The following ZNF407 variants were observed in gnomAD, a reference collection of about 807,000 sequenced individuals.
The protein encoded by ZNF407 is zinc finger protein 407.
Under a neutral mutation model 131.2 loss-of-function variants are expected in ZNF407, and 17 were observed. The observed-to-expected ratio is 0.13, with a 90% CI of 0.09 to 0.19. The LOEUF (loss-of-function observed/expected upper bound fraction) is 0.19. ZNF407 is among the 10% of genes least tolerant of loss of function. ZNF407 has a pLI of 1.00. For missense variants in ZNF407, 2,681 were observed against 2,830.6 expected (o/e 0.95, Z 1.20); for synonymous variants, 1,156 against 1,062.0 (o/e 1.09, Z -1.72).
intron 3 of ZNF407, among the ~76,000 whole-genome samples, chr18:74,721,781 A>G (rs1023534385): frequency 1.3e-5 from 2 of 151,778 alleles, no homozygotes; most frequent in African/African-American, 4.8e-5. Flanking sequence ...TGTGTTTTGC[A>G]TTTGTTCTTC....
At chr18:74,774,486 A>C (rs753072443) in intron 3 of ZNF407, among the ~76,000 whole-genome samples, 6 of 152,250 alleles carry the variant, frequency 3.9e-5, no homozygotes, top group African/African-American at 1.4e-4. Context: ...CAAGTTTAGC[A>C]TAATGGAATG....
intron 8 of ZNF407, among the ~76,000 whole-genome samples, chr18:75,003,276 A>T (rs1445803469): frequency 6.6e-6 from 1 of 152,232 alleles, no homozygotes; most frequent in Non-Finnish European, 1.5e-5. Flanking sequence ...CACATGCACC[A>T]CTGTGACTCA....
chr18:74,644,969 C>T (rs1984901105), intron 3 of ZNF407, among the ~76,000 whole-genome samples: 1 of 151,944 alleles, frequency 6.6e-6, no homozygotes, highest in African/African-American at 2.4e-5. Context: ...CCCACATTTA[C>T]ATTTTTTTAA....
chr18:75,025,048 G>A (rs576620302), intron 8 of ZNF407, among the ~76,000 whole-genome samples: 1 of 152,166 alleles, frequency 6.6e-6, no homozygotes, highest in Non-Finnish European at 1.5e-5. Context: ...TATCAAGTTT[G>A]CACATGTGAC....
At chr18:74,697,683 A>G (rs1489342783) in intron 3 of ZNF407, among the ~76,000 whole-genome samples, 1 of 152,176 alleles carries the variant, frequency 6.6e-6, no homozygotes, top group Non-Finnish European at 1.5e-5. Flanking sequence ...GCACATCTTG[A>G]AAAAAACCTA....
chr18:74,681,882 C>T (rs1299922513), intron 3 of ZNF407, among the ~76,000 whole-genome samples: 1 of 151,924 alleles, frequency 6.6e-6, no homozygotes, highest in African/African-American at 2.4e-5. Flanking sequence ...AGAATCATAC[C>T]ACTAGCTAAA....
intron 8 of ZNF407, among the ~76,000 whole-genome samples, chr18:75,051,659 T>C (rs1034271810): frequency 2.0e-5 from 3 of 152,238 alleles, no homozygotes; most frequent in Non-Finnish European, 2.9e-5. Flanking sequence ...GTTTTAAAAC[T>C]GTTCCAGTTC....
At chr18:74,900,649 T>C (rs1443666101) in intron 7 of ZNF407, among the ~76,000 whole-genome samples, 2 of 152,218 alleles carry the variant, frequency 1.3e-5, no homozygotes, top group Non-Finnish European at 2.9e-5. Context: ...TCTCAGGTTT[T>C]TCTAAGATCA....
rs1262345893 is a variant in ZNF407 at position 75,021,172 on chromosome 18, C to T, written c.5429-41978C>T. Among the ~76,000 whole-genome samples, 4 of 152,036 alleles carry T rather than the reference C, an allele frequency of 2.6e-5. 1 individual carries two copies. On this transcript the variant is annotated intron_variant, in intron 8 of 8. Transcript: ENST00000299687. ...AAAAAGGTACAAAAAAGCAACACAT[C>T]ACATAGATTGACCTCAGGCAGAGTC...
intron 8 of ZNF407, among the ~76,000 whole-genome samples, chr18:75,003,735 T>G (rs915652581): frequency 2.0e-5 from 3 of 152,226 alleles, no homozygotes; most frequent in Non-Finnish European, 4.4e-5. Flanking sequence ...TATTGTCCAC[T>G]CTAAGTACAG....
intron 4 of ZNF407, among the ~76,000 whole-genome samples, chr18:74,826,165 G>A (rs1970407220): frequency 6.6e-6 from 1 of 152,122 alleles, no homozygotes; most frequent in African/African-American, 2.4e-5. Context: ...TTAAATTAGA[G>A]GAATAAAGTT....
At chr18:74,934,625 G>T (rs572494751) in intron 8 of ZNF407, among the ~76,000 whole-genome samples, 1 of 152,170 alleles carries the variant, frequency 6.6e-6, no homozygotes, top group African/African-American at 2.4e-5. Context: ...GGCCAACATG[G>T]CAAAACCCCG....
chr18:74,738,686 C>T lies in ZNF407; in HGVS notation c.4803-42742C>T, dbSNP rs1226576724. Among the ~76,000 whole-genome samples the T allele has an allele frequency of 2.0e-5, 3 of 152,006 alleles. No individual in the cohort carries two copies. The East Asian group carries it at 5.8e-4, about 29-fold the overall frequency. ...CCTGGGAGGCGGAGGTTGCAGTGAG[C>T]CAAGATCACGCCATTCATCTCCAGC... On this transcript the variant is annotated intron_variant, in intron 3 of 8. Transcript: ENST00000299687.
At chr18:74,950,006 T>G (rs993338548) in intron 8 of ZNF407, among the ~76,000 whole-genome samples, 12 of 152,192 alleles carry the variant, frequency 7.9e-5, no homozygotes, top group Non-Finnish European at 2.9e-5. Flanking sequence ...CTGGCTAATA[T>G]TGCCTTCCCA....
chr18:75,046,574 A>T (rs746989111), intron 8 of ZNF407, among the ~76,000 whole-genome samples: 1 of 152,208 alleles, frequency 6.6e-6, no homozygotes, highest in Non-Finnish European at 1.5e-5. Context: ...TAGAAAGTCG[A>T]GTCAGTACCC....
chr18:74,738,410 A>G (rs1968469439), intron 3 of ZNF407, among the ~76,000 whole-genome samples: 1 of 93,546 alleles, frequency 1.1e-5, no homozygotes, highest in African/African-American at 5.1e-5. Context: ...ACAGAGTGAG[A>G]CTCTGTCTCA....
intron 4 of ZNF407, among the ~76,000 whole-genome samples, chr18:74,829,928 C>G (rs1205567463): frequency 6.6e-6 from 1 of 151,888 alleles, no homozygotes; most frequent in Non-Finnish European, 1.5e-5. Context: ...CCCGTTGTGA[C>G]TGTATTTGGA....
chr18:74,723,920 T>C (rs567324981), intron 3 of ZNF407, among the ~76,000 whole-genome samples: 8 of 143,308 alleles, frequency 5.6e-5, no homozygotes, highest in African/African-American at 1.8e-4. Context: ...TCCAGACTTT[T>C]TAGCTCTTCT....
intron 3 of ZNF407, among the ~76,000 whole-genome samples, chr18:74,749,330 C>A (rs770606571): frequency 2.6e-5 from 4 of 152,148 alleles, no homozygotes; most frequent in Non-Finnish European, 5.9e-5. Context: ...TTCTTCACAT[C>A]CCCCAGCCTT....
Sources: allele counts gnomAD v4.1 joint callset (sites outside exome capture counted in the v4.1 genomes callset), GRCh38; gene constraint gnomAD v4.1.1; transcripts MANE v1.5; gene names NCBI Gene and HGNC (gene_info 2026-07-23, HGNC 2026-07-21).